Variants in MEIS2 observed in about 807,000 individuals in gnomAD.
The protein encoded by MEIS2 is homeobox protein Meis2.
A neutral mutation model predicts 58.6 loss-of-function variants in MEIS2; 9 were observed. That is an observed-to-expected ratio of 0.15 (90% CI 0.09 to 0.27). MEIS2 has a LOEUF of 0.27. Ranked by LOEUF, MEIS2 falls within the 10% of genes least tolerant of loss-of-function variation. MEIS2 has a pLI of 1.00. For synonymous variants in MEIS2, 221 were observed against 228.4 expected (o/e 0.97, Z 0.29); for missense variants, 427 against 635.0 (o/e 0.67, Z 3.52).
chr15:37,068,691 C>A (rs1210484609), intron 7 of MEIS2, among the ~76,000 whole-genome samples: 2 of 152,062 alleles, frequency 1.3e-5, no homozygotes, highest in African/African-American at 4.8e-5. Flanking sequence ...AAAAACTAAG[C>A]AAATGTTACT....
chr15:36,911,702 A>G (rs1395419615), intron 9 of MEIS2, among the ~76,000 whole-genome samples: 2 of 152,312 alleles, frequency 1.3e-5, no homozygotes, highest in African/African-American at 2.4e-5. Context: ...CTCTGGTTCT[A>G]TAAGCAATCC....
At chr15:36,979,282 A>G (rs549695302) in intron 8 of MEIS2, among the ~76,000 whole-genome samples, 2 of 152,302 alleles carry the variant, frequency 1.3e-5, no homozygotes, top group African/African-American at 4.8e-5. Flanking sequence ...AGATTTGGGT[A>G]CCATCCCCAA....
At chr15:37,007,436 GC>G (rs766389422) in intron 8 of MEIS2, among the ~76,000 whole-genome samples, 23 of 152,110 alleles carry the variant, frequency 1.5e-4, no homozygotes, top group Non-Finnish European at 2.8e-4. Flanking sequence ...GAATAAAGTG[GC>G]CTGTAGCCCT....
At chr15:36,915,878 C>G (rs2057254056) in intron 9 of MEIS2, among the ~76,000 whole-genome samples, 1 of 152,158 alleles carries the variant, frequency 6.6e-6, no homozygotes, top group Non-Finnish European at 1.5e-5. Flanking sequence ...CTTAGGAGGA[C>G]AGCAAAACAA....
At chr15:36,995,716 A>AAC (rs2141573457) in intron 8 of MEIS2, among the ~76,000 whole-genome samples, 1 of 45,412 alleles carries the variant, frequency 2.2e-5, no homozygotes, top group African/African-American at 6.1e-5. Context: ...TAAAAAAAAA[A>AAC]AAAAAAAAAA....
At chr15:37,050,907 A>C (rs2062890555) in intron 7 of MEIS2, 1 of 152,202 alleles carries the variant, frequency 6.6e-6, no homozygotes, top group African/African-American at 2.4e-5. Context: ...ATTAGTTGTA[A>C]ACACCACTGC....
chr15:37,054,610 C>T (rs949604126), intron 7 of MEIS2, among the ~76,000 whole-genome samples: 2 of 152,048 alleles, frequency 1.3e-5, no homozygotes, highest in Admixed American at 1.3e-4. Flanking sequence ...GTAGCGATGG[C>T]GTCTCCCTAT....
At position 37,059,921 on chromosome 15, in the gene MEIS2, T is replaced by C. The variant is rs562828234; in HGVS notation, c.755-22962A>G. ...ATGCCACTGCACTCCAGCGAGAGTC[T>C]GTCTCAAAAAAAAAAATTCTTTTTT... On this transcript the variant is annotated intron_variant, in intron 7 of 11. Transcript: ENST00000561208. 1.6e-3 allele frequency among the ~76,000 whole-genome samples: 105 copies of C among 64,876 alleles called. 1 individual carries two copies. In the East Asian group the frequency reaches 0.044, roughly 27 times the overall value. The allele number at this position is 64,876 out of a possible 152,430, so 42.6% of individuals were successfully genotyped here. A position where few individuals can be genotyped will look rare whatever the true frequency, so the allele number is the denominator to read the frequency against.
At chr15:37,031,660 G>T (rs753715314) in intron 8 of MEIS2, among the ~76,000 whole-genome samples, 3 of 152,024 alleles carry the variant, frequency 2.0e-5, no homozygotes, top group Admixed American at 6.5e-5. Flanking sequence ...TAATAGGCAA[G>T]TAGTAAAATG....
chr15:36,965,681 T>G (rs1055511571), intron 8 of MEIS2, among the ~76,000 whole-genome samples: 9 of 152,136 alleles, frequency 5.9e-5, no homozygotes, highest in Admixed American at 2.6e-4. Flanking sequence ...AAAGAAACAA[T>G]TAGGAAAATT....
At chr15:37,010,494 C>T (rs532506935) in intron 8 of MEIS2, among the ~76,000 whole-genome samples, 1 of 152,248 alleles carries the variant, frequency 6.6e-6, no homozygotes, top group East Asian at 1.9e-4. Flanking sequence ...GAGATCCTCA[C>T]CCCTAAGCCT....
chr15:36,911,304 T>C (rs1219411836), intron 9 of MEIS2, among the ~76,000 whole-genome samples: 1 of 152,012 alleles, frequency 6.6e-6, no homozygotes, highest in Non-Finnish European at 1.5e-5. Context: ...TATATATACA[T>C]ATATATGCAT....
At chr15:37,097,813 C>T (rs752072733) in intron 2 of MEIS2, among the ~76,000 whole-genome samples, 154 bp downstream of exon 2, 1 of 152,120 alleles carries the variant, frequency 6.6e-6, no homozygotes, top group Non-Finnish European at 1.5e-5. Context: ...GAAGAGCAGG[C>T]CCCCTCCACG....
chr15:36,950,574 G>A (rs902638322), intron 8 of MEIS2, among the ~76,000 whole-genome samples, 174 bp from the exon 9 acceptor site: 4 of 150,264 alleles, frequency 2.7e-5, no homozygotes, highest in Non-Finnish European at 1.5e-5. Flanking sequence ...CCAGAAACCT[G>A]TATTAGCAGC....
intron 8 of MEIS2, among the ~76,000 whole-genome samples, chr15:36,987,464 G>A (rs2141536150): frequency 6.8e-6 from 1 of 147,878 alleles, no homozygotes; most frequent in African/African-American, 2.5e-5. Context: ...CTAAAACTTA[G>A]AAATTTTACC....
At chr15:37,041,717 TA>T (rs1037949110) in intron 7 of MEIS2, among the ~76,000 whole-genome samples, 3 of 152,204 alleles carry the variant, frequency 2.0e-5, no homozygotes, top group Non-Finnish European at 2.9e-5. Context: ...TGATTGATTC[TA>T]AATTCTAGTT....
At position 36,890,294 on chromosome 15, in the gene MEIS2, T is replaced by G. The variant is rs2055798370; in HGVS notation, c.*1879A>C. The G allele has an allele frequency of 6.6e-6, 1 of 152,188 alleles. No homozygotes were observed. The highest frequency in any genetic ancestry group is 2.4e-5 in the African/African-American group (1 of 41,462). The allele number at this position is 152,188 out of a possible 1,614,324, so 9.4% of individuals were successfully genotyped here. On this transcript the variant is annotated 3_prime_UTR_variant, in exon 12 of 12. Coordinates refer to ENST00000561208, the MANE Select transcript of MEIS2 (RefSeq NM_170675.5). ...CCTTTTTGCACACTTTAGCAGACAT[T>G]GTTTGTGCAGTATCAATAAGCTAAT... is the stretch of plus-strand genomic sequence containing the variant.
intron 8 of MEIS2, among the ~76,000 whole-genome samples, chr15:36,996,106 C>T (rs1021885103): frequency 3.4e-5 from 5 of 148,908 alleles, no homozygotes; most frequent in Admixed American, 2.7e-4. Flanking sequence ...AATAATTATG[C>T]TACTTAGGTT....
At chr15:36,926,619 C>T (rs116183860) in intron 9 of MEIS2, among the ~76,000 whole-genome samples, 2,401 of 152,232 alleles carry the variant, frequency 0.016, 69 homozygotes, top group African/African-American at 0.053. Flanking sequence ...AACCCAATTG[C>T]GGTTTGACAG....
Sources: gnomAD v4.1 joint callset for allele counts (sites outside exome capture counted in the v4.1 genomes callset) on GRCh38, gnomAD v4.1.1 for gene constraint, MANE v1.5 for transcripts, NCBI Gene and HGNC (gene_info 2026-07-23, HGNC 2026-07-21) for gene names.